The following USP34 variants were observed in gnomAD, a reference collection of about 807,000 sequenced individuals.
The protein encoded by USP34 is ubiquitin specific peptidase 34.
USP34 carries 70 observed loss-of-function variants against 460.3 expected under a neutral mutation model. That is an observed-to-expected ratio of 0.15 (90% CI 0.13 to 0.19). The LOEUF is 0.19. Ranked by LOEUF, USP34 falls within the 10% of genes least tolerant of loss-of-function variation. The pLI is 1.00. For missense variants in USP34, 3,985 were observed against 4,236.2 expected (o/e 0.94, Z 1.65); for synonymous variants, 1,647 against 1,405.3 (o/e 1.17, Z -3.85).
At chr2:61,298,639 T>G (rs1690117897) in intron 29 of USP34, among the ~76,000 whole-genome samples, 1 of 147,034 alleles carries the variant, frequency 6.8e-6, no homozygotes, top group Non-Finnish European at 1.5e-5. Context: ...CGTAACAGCC[T>G]ATTAACATAA....
In USP34 at chr2:61,241,627, T is replaced by C; in HGVS notation, c.6710A>G (p.Lys2237Arg). The stretch of plus-strand genomic sequence containing the variant: ...ATTTTCTTCCTCTGGTTCCATGCGT[T>C]TGTAAAACAGCATATATGCACTGTG... ...KTHSAYMLFY[K>R]RMEPEEENGR... Residue 2237 changes from lysine to arginine, a missense_variant, in exon 53 of 80, where the codon AAA (lysine) becomes AGA (arginine). By Grantham distance (26) the Lys-to-Arg change is conservative. Around this residue, in one of 14 missense-constraint regions of USP34, gnomAD observed 604 missense variants for 684.8 expected, o/e 0.88. Coordinates refer to ENST00000398571, the MANE Select transcript of USP34 (RefSeq NM_014709.4). 6.2e-7 allele frequency: 1 copy of C among 1,608,664 alleles called. No individual in the cohort carries two copies. The highest frequency in any genetic ancestry group is 8.5e-7 in the Non-Finnish European group (1 of 1,178,406).
chr2:61,320,128 T>C (rs1249473743), intron 21 of USP34, among the ~76,000 whole-genome samples: 1 of 152,208 alleles, frequency 6.6e-6, no homozygotes, highest in African/African-American at 2.4e-5. Flanking sequence ...CATTTATGGC[T>C]ATGCATTTCT....
intron 59 of USP34, 48 bp downstream of exon 59, chr2:61,229,492 AAACACCAC>A: frequency 9.2e-7 from 1 of 1,092,264 alleles, no homozygotes; most frequent in Admixed American, 2.8e-5. Flanking sequence ...AAAAAAACAA[AAACACCAC>A]ACACACACAA....
At chr2:61,386,761 G>A (rs916561173) in intron 5 of USP34, among the ~76,000 whole-genome samples, 4 of 152,046 alleles carry the variant, frequency 2.6e-5, no homozygotes, top group African/African-American at 9.7e-5. Context: ...CTGCACTCCA[G>A]CCTGGCAACA....
Position 61,395,224 on chromosome 2 carries a change from T to C in USP34, c.562A>G (p.Thr188Ala). Residue 188 changes from threonine (T) to alanine (A), a missense_variant, in exon 4 of 80, where the codon ACT becomes GCT. This residue lies in a region of USP34 where 331 missense variants were observed against 293.7 expected (regional missense o/e 1.13). Coordinates refer to ENST00000398571, the MANE Select transcript of USP34 (RefSeq NM_014709.4). ...NTHPTIEDIS[T>A]QESNILGAFC... ...GCCCCTAATATGTTACTTTCTTGAG[T>C]TGATATATCCTAATTAAAAAAAAAA... is the stretch of plus-strand genomic sequence containing the variant. The C allele has an allele frequency of 1.3e-6, 2 of 1,484,468 alleles. No individual in the cohort carries two copies. Among genetic ancestry groups the C allele is most frequent in the African/African-American group, 1.4e-5 (1 of 70,620 alleles). 92.0% of individuals were successfully genotyped at this position (1,484,468 alleles called of 1,614,324 possible).
Position 61,380,279 on chromosome 2 carries a change from C to A in USP34, c.904G>T (p.Glu302Ter). The A allele has an allele frequency of 6.2e-7, 1 of 1,614,146 alleles. No individual in the cohort carries two copies. Among genetic ancestry groups the A allele is most frequent in the Non-Finnish European group, 8.5e-7 (1 of 1,179,998 alleles). ...AAGCATAATGTTGTATCCAATGGTT[C>A]TTTGACTGTGCTCCACATTAAGTCA... The part of the protein sequence containing the change: ...MADLMWSTVK[E>*]PLDTTLCFDK... Residue 302 changes from glutamate to a stop codon, truncating the protein, a stop_gained, in exon 7 of 80, where the codon GAA becomes TAA. Coordinates refer to ENST00000398571, the MANE Select transcript of USP34 (RefSeq NM_014709.4). LOFTEE classifies it high-confidence loss of function.
chr2:61,229,719 C>A, intron 58 of USP34, 86 bp from the exon 59 acceptor site: 1 of 1,172,248 alleles, frequency 8.5e-7, no homozygotes, highest in Non-Finnish European at 1.2e-6. Flanking sequence ...AATTCTCTGC[C>A]ACCCATTTAT....
chr2:61,455,281 C>T (rs957246618), intron 1 of USP34, among the ~76,000 whole-genome samples: 1 of 151,986 alleles, frequency 6.6e-6, no homozygotes, highest in African/African-American at 2.4e-5. Flanking sequence ...CGGGTTCAAG[C>T]AATTCTCATG....
chr2:61,298,168 C>T (rs768636517), intron 29 of USP34, among the ~76,000 whole-genome samples: 2 of 151,424 alleles, frequency 1.3e-5, no homozygotes, highest in African/African-American at 4.9e-5. Context: ...CTCATCAGGG[C>T]CAAACCTATC....
intron 3 of USP34, among the ~76,000 whole-genome samples, chr2:61,401,410 T>G (rs574240965): frequency 5.3e-5 from 8 of 151,788 alleles, no homozygotes; most frequent in African/African-American, 1.9e-4. Context: ...GTTAATTTTT[T>G]TTTCTTTTGT....
chr2:61,411,319 T>C (rs1310242289), intron 2 of USP34, among the ~76,000 whole-genome samples: 3 of 151,194 alleles, frequency 2.0e-5, no homozygotes, highest in Middle Eastern at 6.8e-3. Context: ...GAGGTCAAGG[T>C]TGCAGTGAGC....
intron 76 of USP34, 25 bp downstream of exon 76, chr2:61,192,876 A>G (rs756970459): frequency 1.9e-6 from 3 of 1,596,586 alleles, no homozygotes; most frequent in South Asian, 2.2e-5. Flanking sequence ...TTAAAGACCA[A>G]TCATCTAAAA....
At chr2:61,375,077 C>A (rs542375681) in intron 8 of USP34, among the ~76,000 whole-genome samples, 3 of 152,056 alleles carry the variant, frequency 2.0e-5, no homozygotes, top group African/African-American at 4.8e-5. Context: ...AAAACACAAC[C>A]AAGAATCCAA....
At chr2:61,370,262 G>A (rs980976722) in intron 10 of USP34, 59 bp downstream of exon 10, 5 of 1,525,312 alleles carry the variant, frequency 3.3e-6, no homozygotes, top group Non-Finnish European at 4.5e-6. Flanking sequence ...ACCTCACAGA[G>A]AAGCACTTAG....
intron 22 of USP34, 67 bp downstream of exon 22, chr2:61,319,106 T>G: frequency 7.0e-7 from 1 of 1,432,782 alleles, no homozygotes; most frequent in Non-Finnish European, 9.3e-7. Context: ...CATTACAGAA[T>G]TCGTATTTCA....
chr2:61,216,001 C>T (rs1283341883), intron 67 of USP34, among the ~76,000 whole-genome samples: 2 of 152,190 alleles, frequency 1.3e-5, no homozygotes, highest in Non-Finnish European at 2.9e-5. Flanking sequence ...CTTTTCAGGA[C>T]AACCATTATT....
At chr2:61,342,288 G>T (rs1045175798) in intron 16 of USP34, among the ~76,000 whole-genome samples, 1 of 142,450 alleles carries the variant, frequency 7.0e-6, no homozygotes, top group African/African-American at 2.6e-5. Flanking sequence ...GTACTTACTG[G>T]CCGTTTCCTT....
Position 61,256,956 on chromosome 2 carries a change from C to G in USP34, c.6049-6G>C, listed in dbSNP as rs1288123058. Reference sequence around the variant, plus strand: ...TGACTAACATGTTCACAATCCTAATCAATACACATAAAAAATTAATAAAAA... The same window carrying G: ...TGACTAACATGTTCACAATCCTAATGAATACACATAAAAAATTAATAAAAA... On this transcript the variant is annotated splice_polypyrimidine_tract_variant and splice_region_variant and intron_variant, in intron 46 of 79. Transcript: ENST00000398571. 11 of 1,496,112 alleles carry G rather than the reference C, an allele frequency of 7.4e-6. No individual in the cohort carries two copies. The highest frequency in any genetic ancestry group is 1.4e-5 in the African/African-American group (1 of 71,036). The allele number at this position is 1,496,112 out of a possible 1,614,324, so 92.7% of individuals were successfully genotyped here. A position where few individuals can be genotyped will look rare whatever the true frequency, so the allele number is the denominator to read the frequency against.
chr2:61,211,161 A>G (rs1687263769), intron 69 of USP34, among the ~76,000 whole-genome samples: 1 of 152,214 alleles, frequency 6.6e-6, no homozygotes, highest in Non-Finnish European at 1.5e-5. Flanking sequence ...TGAAGTCTTC[A>G]GTAAAGTACC....
Sources: gnomAD v4.1 joint callset for allele counts (sites outside exome capture counted in the v4.1 genomes callset) on GRCh38, gnomAD v4.1.1 for gene constraint, gnomAD v4.1.1 regional missense constraint, MANE v1.5 for transcripts, NCBI Gene and HGNC (gene_info 2026-07-23, HGNC 2026-07-21) for gene names.